KLF12: variants seen among roughly 807,000 people sequenced by gnomAD.
KLF12 encodes KLF transcription factor 12, also known as Krueppel-like factor 12.
Under a neutral mutation model 37.8 loss-of-function variants are expected in KLF12, and 9 were observed. The ratio of observed to expected loss-of-function variants is 0.24; its 90% CI spans 0.14 to 0.42. The LOEUF (loss-of-function observed/expected upper bound fraction) is 0.42. KLF12 is among the 10% of genes least tolerant of loss of function. The pLI, the probability that KLF12 is intolerant of heterozygous loss-of-function variation, is 1.00. For synonymous variants in KLF12, 208 were observed against 202.1 expected (o/e 1.03, Z -0.25); for missense variants, 411 against 516.0 (o/e 0.80, Z 1.97).
At chr13:73,904,464 CTTTCCTT>C (rs1206683139) in intron 3 of KLF12, among the ~76,000 whole-genome samples, 14 of 63,016 alleles carry the variant, frequency 2.2e-4, no homozygotes, top group African/African-American at 4.0e-4. Flanking sequence ...TGTTTTCTTT[CTTTCCTT>C]TTTTTTTTTT....
Position 73,891,416 on chromosome 13 carries a change from A to G in KLF12, c.124-45043T>C, listed in dbSNP as rs1347709841. Among the ~76,000 whole-genome samples, 3 of 152,158 alleles carry G rather than the reference A, an allele frequency of 2.0e-5. No individual in the cohort carries two copies. In the East Asian group the frequency reaches 5.8e-4, roughly 29 times the overall value. ...CTCTCAACAAGTTGAATACATTAAC[A>G]TTGGGACAAATGAAGGTCACTATTC... is the stretch of plus-strand genomic sequence containing the variant. On this transcript the variant is annotated intron_variant, in intron 3 of 7. Coordinates refer to ENST00000377669, the MANE Select transcript of KLF12 (RefSeq NM_007249.5).
chr13:73,946,252 A>G (rs942723353), intron 2 of KLF12, among the ~76,000 whole-genome samples: 1 of 152,220 alleles, frequency 6.6e-6, no homozygotes, highest in Non-Finnish European at 1.5e-5. Flanking sequence ...GAAAAGACAA[A>G]GAGCGATTCT....
chr13:74,077,534 C>T (rs1444852481), intron 1 of KLF12, among the ~76,000 whole-genome samples: 1 of 151,890 alleles, frequency 6.6e-6, no homozygotes, highest in Non-Finnish European at 1.5e-5. Flanking sequence ...AGTGATGCAC[C>T]GAAAATGAAG....
the KLF12 span, among the ~76,000 whole-genome samples, chr13:74,248,691 G>A: frequency 2.6e-5 from 4 of 152,182 alleles, no homozygotes; most frequent in Non-Finnish European, 4.4e-5. Flanking sequence ...TGGCTCACCC[G>A]AGACCAGTCC....
chr13:74,166,623 T>C, the KLF12 span, among the ~76,000 whole-genome samples: 18 of 152,288 alleles, frequency 1.2e-4, no homozygotes, highest in African/African-American at 4.3e-4. Flanking sequence ...TTTTATATTT[T>C]CCCCTATCTA....
chr13:74,226,886 T>G, the KLF12 span, among the ~76,000 whole-genome samples: 1 of 152,122 alleles, frequency 6.6e-6, no homozygotes, highest in South Asian at 2.1e-4. Context: ...TGAGAAACCA[T>G]AGTAGTCATT....
intron 1 of KLF12, among the ~76,000 whole-genome samples, chr13:74,046,821 T>C (rs1199028152): frequency 1.3e-5 from 2 of 152,208 alleles, no homozygotes; most frequent in Non-Finnish European, 2.9e-5. Context: ...TACTACTGTG[T>C]CCTATAAAGG....
intron 1 of KLF12, among the ~76,000 whole-genome samples, chr13:74,063,689 C>T (rs572315341): frequency 3.3e-4 from 50 of 152,294 alleles, no homozygotes; most frequent in African/African-American, 1.2e-3. Flanking sequence ...GTGATTAATA[C>T]TCAAATAGAT....
intron 7 of KLF12, among the ~76,000 whole-genome samples, chr13:73,702,594 C>T (rs1874639140): frequency 6.6e-6 from 1 of 152,120 alleles, no homozygotes; most frequent in Admixed American, 6.5e-5. Flanking sequence ...TGAAAAGGAA[C>T]ACCTTTTGCA....
At chr13:73,961,863 G>A (rs1891032586) in intron 2 of KLF12, 2 of 376,766 alleles carry the variant, frequency 5.3e-6, no homozygotes, top group Non-Finnish European at 1.1e-5. Flanking sequence ...AGGGGAGGAT[G>A]TGGAGCAACA....
chr13:73,775,182 T>G (rs1173276382), intron 5 of KLF12, among the ~76,000 whole-genome samples: 1 of 152,108 alleles, frequency 6.6e-6, no homozygotes, highest in Non-Finnish European at 1.5e-5. Context: ...CCTCCCAAAG[T>G]GTTAGGATTA....
chr13:73,852,893 G>A (rs1885407528), intron 3 of KLF12, among the ~76,000 whole-genome samples: 1 of 142,388 alleles, frequency 7.0e-6, no homozygotes, highest in South Asian at 2.2e-4. Context: ...TTTTTGAGAC[G>A]GAGTCTTGGT....
chr13:73,996,973 A>G (rs1892138722), intron 1 of KLF12, among the ~76,000 whole-genome samples: 1 of 152,246 alleles, frequency 6.6e-6, no homozygotes, highest in Non-Finnish European at 1.5e-5. Flanking sequence ...CCCCTGTCTT[A>G]GTCCCAAATC....
intron 2 of KLF12, among the ~76,000 whole-genome samples, chr13:73,956,186 C>T (rs981846954): frequency 1.3e-5 from 2 of 152,146 alleles, no homozygotes; most frequent in Non-Finnish European, 2.9e-5. Flanking sequence ...TTCCTGCCAG[C>T]CTCTTAATAA....
chr13:73,881,247 T>C (rs1886966565), intron 3 of KLF12, among the ~76,000 whole-genome samples: 1 of 152,182 alleles, frequency 6.6e-6, no homozygotes, highest in South Asian at 2.1e-4. Flanking sequence ...GCTAGAATCA[T>C]TAAAGCCTAT....
At chr13:74,118,709 C>T (rs1877453094) in intron 1 of KLF12, among the ~76,000 whole-genome samples, 1 of 152,124 alleles carries the variant, frequency 6.6e-6, no homozygotes, top group Admixed American at 6.5e-5. Context: ...GATATATTAT[C>T]ACCCCCGCCA....
At chr13:73,817,169 T>C (rs1039509934) in intron 4 of KLF12, among the ~76,000 whole-genome samples, 3 of 151,456 alleles carry the variant, frequency 2.0e-5, no homozygotes, top group African/African-American at 7.3e-5. Flanking sequence ...ATTTAAAACA[T>C]CAGCAGAGTG....
chr13:74,160,850 C>G, the KLF12 span, among the ~76,000 whole-genome samples: 1 of 151,964 alleles, frequency 6.6e-6, no homozygotes, highest in East Asian at 1.9e-4. Flanking sequence ...ACACAAGGCT[C>G]GTTGTTTTGT....
At chr13:73,922,084 G>A (rs187811418) in intron 3 of KLF12, among the ~76,000 whole-genome samples, 2 of 151,666 alleles carry the variant, frequency 1.3e-5, no homozygotes, top group African/African-American at 4.8e-5. Flanking sequence ...AATTGTTTTG[G>A]TATCTAGTTT....
Sources: gnomAD v4.1 joint callset for allele counts (sites outside exome capture counted in the v4.1 genomes callset) on GRCh38, gnomAD v4.1.1 for gene constraint, MANE v1.5 for transcripts, NCBI Gene and HGNC (gene_info 2026-07-23, HGNC 2026-07-21) for gene names.